The following PRPF18 variants were observed in gnomAD, a reference collection of about 807,000 sequenced individuals.
PRPF18 encodes pre-mRNA-splicing factor 18.
A neutral mutation model predicts 46.5 loss-of-function variants in PRPF18; 38 were observed. That is an observed-to-expected ratio of 0.82 (90% confidence interval 0.63 to 1.07). The LOEUF is 1.07. Ranked by LOEUF, PRPF18 falls within the 50% of genes least tolerant of loss-of-function variation. The pLI is 0.00. For missense variants in PRPF18, 263 were observed against 410.0 expected, an observed-to-expected ratio of 0.64 and a Z score of 3.10; for synonymous variants, 152 against 146.7, an observed-to-expected ratio of 1.04 and a Z score of -0.26.
chr10:13,652,032 T>A, the PRPF18 span: 1 of 902,298 alleles, frequency 1.1e-6, no homozygotes, highest in Non-Finnish European at 1.9e-6. Context: ...AGAGAGACAC[T>A]GACACAGACA....
At position 13,611,638 on chromosome 10, in the gene PRPF18, A is replaced by G. The variant is rs1219315605; in HGVS notation, c.534A>G (p.Lys178=). Residue 178 remains lysine (K), a synonymous_variant, in exon 6 of 10, where the codon AAA becomes AAG. Transcript: ENST00000378572. ...ELEALGESLG[K]GDDHKDMDII... ...AGGCGCTTGGAGAGTCCTTAGGGAA[A>G]GGCGATGATCATAAAGACATGGACA... 3 of 1,614,014 alleles carry G rather than the reference A, an allele frequency of 1.9e-6. No individual in the cohort carries two copies. Among genetic ancestry groups the G allele is most frequent in the East Asian group, 2.2e-5 (1 of 44,880 alleles).
intron 9 of PRPF18, among the ~76,000 whole-genome samples, chr10:13,619,951 A>T (rs763160491): frequency 3.3e-5 from 5 of 151,768 alleles, no homozygotes; most frequent in Non-Finnish European, 7.4e-5. Context: ...TGTGTCTTAA[A>T]CCCATAGTGT....
rs1446496420 is a variant in PRPF18 at position 13,613,872 on chromosome 10, A to G, written c.711A>G (p.Leu237=). 4 of 1,607,802 alleles carry G rather than the reference A, an allele frequency of 2.5e-6. No individual in the cohort carries two copies. The South Asian group carries it at 3.4e-5, about 14-fold the overall frequency. The change falls in exon 7 of 10, where the codon CTA becomes CTG. Residue 237 remains leucine (L), a synonymous_variant. Transcript: ENST00000378572. The part of the protein sequence containing the change: ...ESYLRPLFRK[L]RKRNLPADIK... ...ACCTAAGACCACTTTTTAGAAAGCT[A>G]CGGAAAAGGGTGAGGTTTCTTGGAA...
At chr10:13,591,186 C>T (rs950313625) in intron 1 of PRPF18, among the ~76,000 whole-genome samples, 1 of 152,162 alleles carries the variant, frequency 6.6e-6, no homozygotes, top group African/African-American at 2.4e-5. Context: ...CTGTTGTATC[C>T]ATGGGAAGAC....
At position 13,600,339 on chromosome 10, in the gene PRPF18, T is replaced by A. The variant is rs1426446327; in HGVS notation, c.240T>A (p.Ser80=). The change falls in exon 3 of 10, where the codon TCT becomes TCA. Residue 80 remains serine (S), a synonymous_variant. Transcript: ENST00000378572. ...AGGAAAAATTACCTATGACGCTTTCTAGGCAAGAGGTAAGTTTATTTGTGA... is the reference window on the plus strand; with the variant it reads ...AGGAAAAATTACCTATGACGCTTTCAAGGCAAGAGGTAAGTTTATTTGTGA... ...LAEEKLPMTL[S]RQEVIRRLRE... is the part of the protein sequence containing the mutation. The A allele has an allele frequency of 6.2e-7, 1 of 1,606,916 alleles. No homozygotes were observed. The highest frequency in any genetic ancestry group is 8.5e-7 in the Non-Finnish European group (1 of 1,174,604).
the PRPF18 span, among the ~76,000 whole-genome samples, chr10:13,650,207 CTG>C: frequency 6.6e-6 from 1 of 152,116 alleles, no homozygotes; most frequent in Non-Finnish European, 1.5e-5. Flanking sequence ...GAATTTCAAA[CTG>C]AATTATTTTT....
chr10:13,634,456 TGCAATCC>T (rs2080617522), downstream of PRPF18, among the ~76,000 whole-genome samples: 1 of 152,256 alleles, frequency 6.6e-6, no homozygotes, highest in Admixed American at 6.5e-5. Flanking sequence ...GAGTCACTCC[TGCAATCC>T]GCTGTCCTGG....
chr10:13,652,126 C>G, the PRPF18 span: 2 of 658,798 alleles, frequency 3.0e-6, no homozygotes, highest in Non-Finnish European at 5.6e-6. Context: ...ACAAGTCATG[C>G]AGTACTTTCA....
intron 1 of PRPF18, among the ~76,000 whole-genome samples, chr10:13,595,531 C>T (rs1178685934): frequency 6.6e-6 from 1 of 152,174 alleles, no homozygotes; most frequent in Non-Finnish European, 1.5e-5. Context: ...AGAACTGTAG[C>T]TTGGAAGACT....
intron 3 of PRPF18, among the ~76,000 whole-genome samples, chr10:13,602,617 T>C (rs1465587212): frequency 6.6e-6 from 1 of 151,920 alleles, no homozygotes; most frequent in Non-Finnish European, 1.5e-5. Flanking sequence ...ACTCATTCTT[T>C]ATATATAGAA....
intron 9 of PRPF18, 126 bp downstream of exon 9, chr10:13,616,679 C>G: frequency 8.1e-7 from 1 of 1,241,514 alleles, no homozygotes; most frequent in Non-Finnish European, 1.1e-6. Flanking sequence ...ATGGAAGTCC[C>G]CTCTGGATAA....
the PRPF18 span, among the ~76,000 whole-genome samples, chr10:13,650,310 G>C: frequency 2.6e-5 from 4 of 152,272 alleles, no homozygotes; most frequent in African/African-American, 9.6e-5. Context: ...CAGAGGATAG[G>C]GGATGAGGCC....
chr10:13,654,188 A>G, the PRPF18 span: 1 of 582,152 alleles, frequency 1.7e-6, no homozygotes, highest in South Asian at 2.2e-5. Flanking sequence ...CCCAAGGACC[A>G]CCGCCTACTT....
At chr10:13,609,008 C>T (rs2080232412) in intron 4 of PRPF18, among the ~76,000 whole-genome samples, 1 of 152,216 alleles carries the variant, frequency 6.6e-6, no homozygotes, top group Non-Finnish European at 1.5e-5. Flanking sequence ...TTTTACACAG[C>T]AGGTGATCAG....
chr10:13,620,864 A>G (rs2080411564), intron 9 of PRPF18, among the ~76,000 whole-genome samples: 1 of 152,238 alleles, frequency 6.6e-6, no homozygotes, highest in African/African-American at 2.4e-5. Flanking sequence ...TCTCACAAAA[A>G]TTAAATATAC....
chr10:13,593,282 A>G (rs966575181), intron 1 of PRPF18, among the ~76,000 whole-genome samples: 1 of 152,258 alleles, frequency 6.6e-6, no homozygotes, highest in African/African-American at 2.4e-5. Context: ...CAAACCAGTA[A>G]GTGAGGAAGA....
intron 5 of PRPF18, 114 bp downstream of exon 5, chr10:13,610,299 T>C: frequency 8.4e-7 from 1 of 1,187,668 alleles, no homozygotes; most frequent in Non-Finnish European, 1.1e-6. Flanking sequence ...CTTGGTCTTT[T>C]GTTTATTTAC....
At chr10:13,593,492 G>T (rs1422492415) in intron 1 of PRPF18, among the ~76,000 whole-genome samples, 2 of 152,180 alleles carry the variant, frequency 1.3e-5, no homozygotes, top group Non-Finnish European at 2.9e-5. Flanking sequence ...GAGAATTGGG[G>T]GTAAGGAAGT....
At chr10:13,592,160 G>C in intron 1 of PRPF18, 1 of 616,748 alleles carries the variant, frequency 1.6e-6, no homozygotes, top group Non-Finnish European at 3.0e-6. Flanking sequence ...GGGAATACCT[G>C]CCAATTCCTC....
Sources: allele counts gnomAD v4.1 joint callset (sites outside exome capture counted in the v4.1 genomes callset), GRCh38; gene constraint gnomAD v4.1.1; transcripts MANE v1.5; gene names NCBI Gene and HGNC (gene_info 2026-07-23, HGNC 2026-07-21).